The following CORO1C variants were observed in gnomAD, a reference collection of about 807,000 sequenced individuals.
CORO1C encodes the protein coronin-1C.
In CORO1C, 14 loss-of-function variants were observed where a neutral mutation model predicts 51.2. The ratio of observed to expected loss-of-function variants is 0.27; its 90% confidence interval spans 0.18 to 0.43. CORO1C has a LOEUF of 0.43. Ranked by LOEUF, CORO1C falls within the 20% of genes least tolerant of loss-of-function variation. CORO1C has a pLI of 1.00. For missense variants in CORO1C, 417 were observed against 607.8 expected, an observed-to-expected ratio of 0.69 and a Z score of 3.30; for synonymous variants, 181 against 210.5, an observed-to-expected ratio of 0.86 and a Z score of 1.21.
chr12:108,664,685 G>A (rs141333840), intron 3 of CORO1C, among the ~76,000 whole-genome samples: 55 of 152,264 alleles, frequency 3.6e-4, no homozygotes, highest in Non-Finnish European at 6.0e-4. Context: ...TTTCCCCTGC[G>A]GAGAACATGG....
intron 2 of CORO1C, among the ~76,000 whole-genome samples, chr12:108,690,513 TA>T (rs564373353): frequency 7.5e-4 from 115 of 152,364 alleles, no homozygotes; most frequent in South Asian, 1.9e-3. Flanking sequence ...GACCATATTT[TA>T]AAATCAATTA....
At chr12:108,664,989 A>C (rs1395562703) in intron 3 of CORO1C, among the ~76,000 whole-genome samples, 2 of 152,212 alleles carry the variant, frequency 1.3e-5, no homozygotes, top group Admixed American at 1.3e-4. Flanking sequence ...TACCACCTTC[A>C]ATCTCCAGAT....
chr12:108,723,895 G>A (rs566898321), intron 1 of CORO1C, among the ~76,000 whole-genome samples: 3 of 152,190 alleles, frequency 2.0e-5, no homozygotes, highest in South Asian at 2.1e-4. Flanking sequence ...AATAATAATC[G>A]GTCTTCCAAA....
At chr12:108,665,362 G>A (rs912124330) in intron 3 of CORO1C, among the ~76,000 whole-genome samples, 1 of 152,114 alleles carries the variant, frequency 6.6e-6, no homozygotes, top group Non-Finnish European at 1.5e-5. Flanking sequence ...CATAAGACAA[G>A]CACCTAAGCC....
At chr12:108,718,197 TA>T (rs1391678360) in intron 1 of CORO1C, among the ~76,000 whole-genome samples, 2 of 151,862 alleles carry the variant, frequency 1.3e-5, no homozygotes, top group African/African-American at 2.4e-5. Context: ...ACTAAAAATA[TA>T]AAAAATTAGC....
chr12:108,675,753 C>T (rs889794181), intron 3 of CORO1C, among the ~76,000 whole-genome samples: 2 of 152,164 alleles, frequency 1.3e-5, no homozygotes, highest in African/African-American at 4.8e-5. Flanking sequence ...GCACAGAATA[C>T]ACAAATGGAA....
Position 108,648,653 on chromosome 12 carries a change from C to A in CORO1C, c.1257G>T (p.Lys419Asn). The change falls in exon 10 of 11, where the codon AAG becomes AAT. Residue 419 changes from lysine (K) to asparagine (N), a missense_variant. Coordinates refer to ENST00000261401, the MANE Select transcript of CORO1C (RefSeq NM_014325.4). ...ILDSKPTANK[K>N]CDLISIPKKT... ...TCTTGGGGATGCTGATCAGGTCGCACTTCTTGTTTGCAGTGGGCTTGCTAT... is the reference window on the plus strand; with the variant it reads ...TCTTGGGGATGCTGATCAGGTCGCAATTCTTGTTTGCAGTGGGCTTGCTAT... 1.9e-6 allele frequency: 3 copies of A among 1,614,218 alleles called. No homozygotes were observed. Among genetic ancestry groups the A allele is most frequent in the Non-Finnish European group, 2.5e-6 (3 of 1,180,042 alleles).
chr12:108,649,179 C>G, intron 8 of CORO1C, 159 bp from the exon 9 acceptor site: 1 of 759,880 alleles, frequency 1.3e-6, no homozygotes, highest in Non-Finnish European at 2.1e-6. Flanking sequence ...ATTTAGTGTT[C>G]CCGGTTGACA....
intron 4 of CORO1C, 113 bp downstream of exon 4, chr12:108,661,916 T>C (rs1201402392): frequency 1.7e-6 from 2 of 1,201,388 alleles, no homozygotes; most frequent in African/African-American, 1.5e-5. Context: ...CATGGTTTCC[T>C]AATAATCTGC....
At chr12:108,686,868 C>T (rs543269193) in intron 2 of CORO1C, among the ~76,000 whole-genome samples, 4 of 152,200 alleles carry the variant, frequency 2.6e-5, no homozygotes, top group East Asian at 3.9e-4. Flanking sequence ...CAACATGAGC[C>T]GAAAGGAAAA....
chr12:108,717,735 A>G (rs1387849544), intron 1 of CORO1C, among the ~76,000 whole-genome samples: 1 of 152,214 alleles, frequency 6.6e-6, no homozygotes, highest in Non-Finnish European at 1.5e-5. Flanking sequence ...AGTAGCTTCA[A>G]AGAGCCTTCT....
intron 3 of CORO1C, among the ~76,000 whole-genome samples, chr12:108,668,781 C>A (rs2033599121): frequency 6.6e-6 from 1 of 152,140 alleles, no homozygotes; most frequent in Non-Finnish European, 1.5e-5. Flanking sequence ...TGATTACTAC[C>A]CTGCAGATAA....
rs567447793 is a variant in CORO1C, at chr12:108,698,649, C to T, written c.195+2475G>A. The stretch of plus-strand genomic sequence containing the variant: ...CTCGAACTCCTGACCTCAGGTGATC[C>T]GCCCGCCTCAGCCTCCCAAAGTGCT... On this transcript the variant is annotated intron_variant, in intron 2 of 10. Transcript: ENST00000261401. Among the ~76,000 whole-genome samples, 5 of 152,320 alleles carry T rather than the reference C, an allele frequency of 3.3e-5. 1 individual carries two copies. Among genetic ancestry groups the T allele is most frequent in the East Asian group, 3.9e-4 (2 of 5,184 alleles).
At chr12:108,692,977 T>C (rs542485525) in intron 2 of CORO1C, among the ~76,000 whole-genome samples, 1 of 152,070 alleles carries the variant, frequency 6.6e-6, no homozygotes, top group Non-Finnish European at 1.5e-5. Context: ...TTTGTATTTT[T>C]AGTAGAGACA....
chr12:108,694,176 C>T (rs533938295), intron 2 of CORO1C, among the ~76,000 whole-genome samples: 1 of 150,276 alleles, frequency 6.7e-6, no homozygotes, highest in South Asian at 2.1e-4. Context: ...CAGCTACTCA[C>T]GAGGCTGAGG....
intron 3 of CORO1C, among the ~76,000 whole-genome samples, chr12:108,666,964 C>T (rs116799887): frequency 6.6e-6 from 1 of 152,176 alleles, no homozygotes; most frequent in African/African-American, 2.4e-5. Context: ...AACAAAACTG[C>T]CACTCTCTGA....
At chr12:108,672,126 T>C (rs1447474426) in intron 3 of CORO1C, among the ~76,000 whole-genome samples, 6 of 152,180 alleles carry the variant, frequency 3.9e-5, no homozygotes, top group African/African-American at 1.2e-4. Flanking sequence ...TTATTATCAG[T>C]ATACAAGAAC....
chr12:108,686,867 C>T (rs1259467533), intron 2 of CORO1C, among the ~76,000 whole-genome samples: 2 of 152,140 alleles, frequency 1.3e-5, no homozygotes, highest in South Asian at 4.1e-4. Context: ...GCAACATGAG[C>T]CGAAAGGAAA....
In CORO1C at chr12:108,647,268, G is replaced by T; in HGVS notation, c.*135C>A. On this transcript the variant is annotated 3_prime_UTR_variant, in exon 11 of 11. Transcript: ENST00000261401. ...TCTTACTGGAATGTGGCCTATCGCT[G>T]GTTGACAAATCTGAAATGGAATGTC... The T allele has an allele frequency of 1.3e-6, 1 of 771,784 alleles. No homozygotes were observed. Among genetic ancestry groups the T allele is most frequent in the Non-Finnish European group, 2.0e-6 (1 of 501,572 alleles). 47.8% of individuals were successfully genotyped at this position (771,784 alleles called of 1,614,324 possible). A position where few individuals can be genotyped will look rare whatever the true frequency, so the allele number is the denominator to read the frequency against.
Sources: gnomAD v4.1 joint callset for allele counts (sites outside exome capture counted in the v4.1 genomes callset) on GRCh38, gnomAD v4.1.1 for gene constraint, MANE v1.5 for transcripts, NCBI Gene and HGNC (gene_info 2026-07-23, HGNC 2026-07-21) for gene names.